DNM3: variants seen among roughly 807,000 people sequenced by gnomAD.
DNM3 encodes dynamin-3.
A neutral mutation model predicts 101.6 loss-of-function variants in DNM3; 47 were observed. The ratio of observed to expected loss-of-function variants is 0.46; its 90% CI spans 0.37 to 0.59. The LOEUF (loss-of-function observed/expected upper bound fraction) is 0.59, where lower values mean the gene tolerates loss of function less well. Ranked by LOEUF, DNM3 falls within the 20% of genes least tolerant of loss-of-function variation. The pLI is 0.00. For synonymous variants in DNM3, 385 were observed against 387.9 expected (o/e 0.99, Z 0.09); for missense variants, 849 against 1,085.7 (o/e 0.78, Z 3.06).
intron 17 of DNM3, among the ~76,000 whole-genome samples, chr1:172,327,252 G>A (rs1283838530): frequency 5.9e-5 from 9 of 152,246 alleles, no homozygotes; most frequent in Admixed American, 5.9e-4. Flanking sequence ...GCCTTCATTC[G>A]TGGGAAAAGT....
chr1:171,985,429 T>G (rs2045177788), intron 2 of DNM3, among the ~76,000 whole-genome samples: 1 of 152,174 alleles, frequency 6.6e-6, no homozygotes, highest in African/African-American at 2.4e-5. Context: ...TTCTGGGAAT[T>G]TATATTCTAA....
intron 10 of DNM3, among the ~76,000 whole-genome samples, chr1:172,059,182 C>G (rs1232161933): frequency 7.4e-5 from 11 of 149,654 alleles, no homozygotes; most frequent in Non-Finnish European, 1.3e-4. Flanking sequence ...ATAACAGGCT[C>G]TGAAATTGTG....
chr1:172,242,137 T>C (rs562646285), intron 14 of DNM3, among the ~76,000 whole-genome samples: 126 of 152,284 alleles, frequency 8.3e-4, no homozygotes, highest in African/African-American at 3.0e-3. Flanking sequence ...GCATTTCCCC[T>C]GAATCTATGA....
intron 10 of DNM3, among the ~76,000 whole-genome samples, chr1:172,052,743 C>T (rs2050295201): frequency 6.6e-6 from 1 of 152,102 alleles, no homozygotes; most frequent in African/African-American, 2.4e-5. Flanking sequence ...TTGCTTGCCT[C>T]TAAACACTGC....
At chr1:171,938,121 T>C (rs576233740) in intron 2 of DNM3, among the ~76,000 whole-genome samples, 3 of 152,238 alleles carry the variant, frequency 2.0e-5, no homozygotes, top group East Asian at 1.9e-4. Context: ...CTAAGCACAG[T>C]GCTTTGAACA....
At chr1:171,901,112 CA>C (rs1243053508) in intron 1 of DNM3, among the ~76,000 whole-genome samples, 30 of 66,756 alleles carry the variant, frequency 4.5e-4, no homozygotes, top group East Asian at 1.9e-3. Context: ...GACTCTGTCT[CA>C]AAAAAAAAAA....
At chr1:172,190,347 C>CT (rs1302955363) in intron 14 of DNM3, among the ~76,000 whole-genome samples, 1 of 152,020 alleles carries the variant, frequency 6.6e-6, no homozygotes, top group Non-Finnish European at 1.5e-5. Context: ...TGAACTCATC[C>CT]TTTTTTATGG....
At chr1:171,983,181 A>T (rs2044945006) in intron 2 of DNM3, among the ~76,000 whole-genome samples, 1 of 152,084 alleles carries the variant, frequency 6.6e-6, no homozygotes, top group Non-Finnish European at 1.5e-5. Context: ...TTGGCTGGGC[A>T]CAGTGGTTCA....
chr1:172,347,273 T>G (rs2066989930), intron 17 of DNM3, among the ~76,000 whole-genome samples: 1 of 151,876 alleles, frequency 6.6e-6, no homozygotes, highest in East Asian at 1.9e-4. Context: ...AAGATAGAGT[T>G]CTAAGGAAAA....
chr1:172,029,248 G>A (rs1363130986), intron 4 of DNM3, among the ~76,000 whole-genome samples: 1 of 152,128 alleles, frequency 6.6e-6, no homozygotes, highest in African/African-American at 2.4e-5. Context: ...TGCAAGGCTG[G>A]TTCAACATAT....
intron 9 of DNM3, among the ~76,000 whole-genome samples, chr1:172,045,096 A>C (rs945894074): frequency 2.0e-5 from 3 of 152,108 alleles, no homozygotes; most frequent in Admixed American, 1.3e-4. Flanking sequence ...CCATGGAGCC[A>C]AGAGTCATGC....
chr1:172,216,998 G>T (rs961477969), intron 14 of DNM3, among the ~76,000 whole-genome samples: 3 of 152,070 alleles, frequency 2.0e-5, no homozygotes, highest in Admixed American at 6.6e-5. Context: ...TCAAAAATTA[G>T]GTCATTTAAA....
intron 2 of DNM3, chr1:171,970,068 G>C (rs755226351): frequency 1.6e-4 from 29 of 184,648 alleles, no homozygotes; most frequent in Non-Finnish European, 3.0e-4. Flanking sequence ...AGTTTTGGCG[G>C]AAACAGATAA....
At chr1:172,184,975 C>G (rs2148410350) in intron 14 of DNM3, among the ~76,000 whole-genome samples, 1 of 151,924 alleles carries the variant, frequency 6.6e-6, no homozygotes, top group South Asian at 2.1e-4. Context: ...AATTGGAACA[C>G]TAAGAGAGCA....
chr1:172,198,451 T>A (rs2060033301), intron 14 of DNM3, among the ~76,000 whole-genome samples: 2 of 151,822 alleles, frequency 1.3e-5, no homozygotes, highest in Non-Finnish European at 2.9e-5. Flanking sequence ...GGGAGGAGCC[T>A]CTCTCAATTT....
intron 14 of DNM3, among the ~76,000 whole-genome samples, chr1:172,164,418 A>G (rs1200552119): frequency 6.6e-6 from 1 of 151,844 alleles, no homozygotes; most frequent in African/African-American, 2.4e-5. Flanking sequence ...TGAGGATGCA[A>G]TAATGGCAAA....
intron 4 of DNM3, among the ~76,000 whole-genome samples, chr1:172,001,571 A>G (rs2046361982): frequency 6.6e-6 from 1 of 151,962 alleles, no homozygotes; most frequent in African/African-American, 2.4e-5. Flanking sequence ...AGGGAGGCAA[A>G]TGTGTCTGGA....
At chr1:172,198,629 G>A (rs1320020719) in intron 14 of DNM3, among the ~76,000 whole-genome samples, 1 of 151,954 alleles carries the variant, frequency 6.6e-6, no homozygotes, top group Non-Finnish European at 1.5e-5. Flanking sequence ...ATTTCTTCCT[G>A]ACTGAGTATT....
intron 16 of DNM3, chr1:172,309,703 C>A (rs1400564212): frequency 1.3e-5 from 2 of 152,154 alleles, no homozygotes; most frequent in Admixed American, 6.5e-5. Context: ...TGAGTTGGGT[C>A]CTTTTTAGGT....
Sources: gnomAD v4.1 joint callset for allele counts (sites outside exome capture counted in the v4.1 genomes callset) on GRCh38, gnomAD v4.1.1 for gene constraint, MANE v1.5 for transcripts, NCBI Gene and HGNC (gene_info 2026-07-23, HGNC 2026-07-21) for gene names.